Variants in DNAH8 observed in about 807,000 individuals in gnomAD.
DNAH8 encodes the protein axonemal beta dynein heavy chain 8.
A neutral mutation model predicts 562.1 loss-of-function variants in DNAH8; 382 were observed. The observed-to-expected ratio is 0.68, with a 90% CI of 0.63 to 0.74. DNAH8 has a LOEUF of 0.74. Ranked by LOEUF, DNAH8 falls within the 30% of genes least tolerant of loss-of-function variation. DNAH8 has a pLI of 0.00. For missense variants in DNAH8, 5,203 were observed against 5,620.4 expected, an observed-to-expected ratio of 0.93 and a Z score of 2.37; for synonymous variants, 1,881 against 1,919.4, an observed-to-expected ratio of 0.98 and a Z score of 0.52.
At chr6:38,780,725 C>T (rs1768499282) in intron 15 of DNAH8, among the ~76,000 whole-genome samples, 1 of 152,118 alleles carries the variant, frequency 6.6e-6, no homozygotes, top group Non-Finnish European at 1.5e-5. Flanking sequence ...GGAAAAGCAA[C>T]TAATGGACAC....
Position 38,989,826 on chromosome 6 carries a change from G to A in DNAH8, c.13054-186G>A, listed in dbSNP as rs9394564. 1.2e-4 allele frequency among the ~76,000 whole-genome samples: 18 copies of A among 152,240 alleles called. No individual in the cohort carries two copies. The East Asian group carries it at 2.9e-3, about 24-fold the overall frequency. The stretch of plus-strand genomic sequence containing the variant: ...TTAAATGGAGGCCAGGTCAAATTGT[G>A]TTCTGGACTCTCTCTTTTCTCCATA... On this transcript the variant is annotated intron_variant, in intron 87 of 92. Coordinates refer to ENST00000327475, the MANE Select transcript of DNAH8 (RefSeq NM_001206927.2).
chr6:39,011,005 G>T (rs553357524), intron 89 of DNAH8, among the ~76,000 whole-genome samples: 103 of 152,170 alleles, frequency 6.8e-4, no homozygotes, highest in African/African-American at 2.3e-3. Flanking sequence ...GTCGGACTGC[G>T]TTAGGGACCT....
intron 33 of DNAH8, 111 bp downstream of exon 33, chr6:38,838,153 G>A: frequency 1.5e-6 from 1 of 653,194 alleles, no homozygotes; most frequent in Non-Finnish European, 2.6e-6. Context: ...ACAGCTTGGA[G>A]CACAACTGAA....
intron 1 of DNAH8, among the ~76,000 whole-genome samples, chr6:38,715,872 T>TA (rs529654694): frequency 3.0e-5 from 3 of 101,216 alleles, no homozygotes; most frequent in Non-Finnish European, 5.0e-5. Context: ...TGCATCCATG[T>TA]AAAAAAACCA....
intron 42 of DNAH8, 75 bp from the exon 43 acceptor site, chr6:38,860,382 A>T: frequency 2.4e-6 from 2 of 847,972 alleles, no homozygotes; most frequent in Non-Finnish European, 1.6e-6. Context: ...AGTGAATTTT[A>T]AAAACTGCCC....
At position 38,866,755 on chromosome 6, in the gene DNAH8, A is replaced by G. The variant is rs758028908; in HGVS notation, c.6586-14A>G. On this transcript the variant is annotated splice_polypyrimidine_tract_variant and intron_variant, in intron 46 of 92. Coordinates refer to ENST00000327475, the MANE Select transcript of DNAH8 (RefSeq NM_001206927.2). Reference sequence around the variant, plus strand: ...TCACTAAAGTTGAAAAAAACTCACTATATTAATTTTCAGATCATTATGAGA... The same window carrying G: ...TCACTAAAGTTGAAAAAAACTCACTGTATTAATTTTCAGATCATTATGAGA... 25 of 1,602,554 alleles carry G rather than the reference A, an allele frequency of 1.6e-5. No individual in the cohort carries two copies. The highest frequency in any genetic ancestry group is 8.1e-5 in the African/African-American group (6 of 74,436).
chr6:38,768,805 C>G (rs1287928004), intron 11 of DNAH8, among the ~76,000 whole-genome samples: 1 of 152,116 alleles, frequency 6.6e-6, no homozygotes, highest in African/African-American at 2.4e-5. Context: ...TACCCAGATT[C>G]AAAACAACTT....
chr6:38,788,695 A>G (rs1769419654), intron 18 of DNAH8, among the ~76,000 whole-genome samples: 1 of 152,172 alleles, frequency 6.6e-6, no homozygotes, highest in South Asian at 2.1e-4. Context: ...TATCAGATAT[A>G]TGATTTGCAA....
At chr6:38,764,982 C>A (rs933330979) in intron 11 of DNAH8, among the ~76,000 whole-genome samples, 30 of 152,052 alleles carry the variant, frequency 2.0e-4, no homozygotes, top group African/African-American at 7.2e-4. Flanking sequence ...TTACAGATGC[C>A]TGCCACCATG....
At chr6:38,720,553 C>T (rs72856580) in intron 1 of DNAH8, among the ~76,000 whole-genome samples, 20,577 of 152,138 alleles carry the variant, frequency 0.14, 1,742 homozygotes, top group Non-Finnish European at 0.18. Context: ...AGTCAGTGAC[C>T]TAGTGAAAAA....
Position 38,954,657 on chromosome 6 carries a change from C to T in DNAH8, c.12451+3137C>T, listed in dbSNP as rs1485865390. The stretch of plus-strand genomic sequence containing the variant: ...GGCGGAGCTTGCAGTGAGTCGAGAT[C>T]GCGCCACTGCACTCCAGCCTGGGCG... On this transcript the variant is annotated intron_variant, in intron 82 of 92. Transcript: ENST00000327475. Among the ~76,000 whole-genome samples, 4 of 1,286 alleles carry T rather than the reference C, an allele frequency of 3.1e-3. 2 individuals are homozygous for T. The South Asian group carries it at 0.049, about 16-fold the overall frequency. 0.8% of individuals were successfully genotyped at this position (1,286 alleles called of 152,430 possible). A position where few individuals can be genotyped will look rare whatever the true frequency, so the allele number is the denominator to read the frequency against.
chr6:38,921,912 A>G (rs1781734804), intron 71 of DNAH8, among the ~76,000 whole-genome samples: 1 of 152,114 alleles, frequency 6.6e-6, no homozygotes, highest in Non-Finnish European at 1.5e-5. Context: ...AGGTAAAGGA[A>G]AATTACAGTC....
At chr6:38,734,406 G>C in intron 4 of DNAH8, 68 bp from the exon 5 acceptor site, 1 of 1,575,494 alleles carries the variant, frequency 6.3e-7, no homozygotes, top group Non-Finnish European at 8.6e-7. Flanking sequence ...TAGTGTAAGA[G>C]CCACAGTAAC....
rs1028765333 is a variant in DNAH8 at position 38,750,470 on chromosome 6, T to C, written c.1294-6T>C. ...TTCATAGAATTCTTATACCTTTTTT[T>C]CTTAGAATTGGCGTGATTTGGATGC... On this transcript the variant is annotated splice_region_variant and splice_polypyrimidine_tract_variant and intron_variant, in intron 8 of 92. Transcript: ENST00000327475. 1 of 1,596,098 alleles carries C rather than the reference T, an allele frequency of 6.3e-7. No homozygotes were observed. Among genetic ancestry groups the C allele is most frequent in the African/African-American group, 1.3e-5 (1 of 74,576 alleles).
At chr6:38,859,508 G>T (rs1471630141) in intron 42 of DNAH8, among the ~76,000 whole-genome samples, 1 of 152,224 alleles carries the variant, frequency 6.6e-6, no homozygotes, top group African/African-American at 2.4e-5. Context: ...TCAGTTGAAT[G>T]ACCTGGAAGT....
At chr6:38,805,659 C>T in intron 23 of DNAH8, 63 bp downstream of exon 23, 1 of 884,132 alleles carries the variant, frequency 1.1e-6, no homozygotes, top group Non-Finnish European at 1.8e-6. Context: ...TTATAGATAA[C>T]CCCATATGGT....
intron 10 of DNAH8, 100 bp downstream of exon 10, chr6:38,756,179 C>T (rs1765892352): frequency 1.3e-6 from 1 of 755,578 alleles, no homozygotes; most frequent in African/African-American, 1.7e-5. Context: ...CTAAGTGCCT[C>T]TCAGAGTTTT....
intron 22 of DNAH8, among the ~76,000 whole-genome samples, chr6:38,804,531 C>T (rs1771074975): frequency 6.6e-6 from 1 of 152,156 alleles, no homozygotes; most frequent in African/African-American, 2.4e-5. Flanking sequence ...TAGTGTGAGG[C>T]TGGCTTCGAG....
chr6:38,765,796 G>T (rs1766925800), intron 11 of DNAH8, among the ~76,000 whole-genome samples: 1 of 152,156 alleles, frequency 6.6e-6, no homozygotes, highest in African/African-American at 2.4e-5. Context: ...GCTCACACTT[G>T]TTAGAATGCC....
Sources: gnomAD v4.1 joint callset for allele counts (sites outside exome capture counted in the v4.1 genomes callset) on GRCh38, gnomAD v4.1.1 for gene constraint, MANE v1.5 for transcripts, NCBI Gene and HGNC (gene_info 2026-07-23, HGNC 2026-07-21) for gene names.